The following PPP1R21 variants were observed in gnomAD, a reference collection of about 807,000 sequenced individuals.
PPP1R21 encodes protein phosphatase 1 regulatory subunit 21.
PPP1R21 carries 85 observed loss-of-function variants against 112.8 expected under a neutral mutation model. The observed-to-expected ratio is 0.75, with a 90% CI of 0.63 to 0.90. The LOEUF (loss-of-function observed/expected upper bound fraction) is 0.90, where lower values mean the gene tolerates loss of function less well. Among genes scored for constraint, PPP1R21 ranks in the 40% least tolerant of loss-of-function variants. The pLI is 0.00. For synonymous variants in PPP1R21, 381 were observed against 322.3 expected, an observed-to-expected ratio of 1.18 and a Z score of -1.95; for missense variants, 1,199 against 901.5, an observed-to-expected ratio of 1.33 and a Z score of -4.23.
chr2:48,479,974 A>C lies in PPP1R21; in HGVS notation c.1276A>C (p.Asn426His), dbSNP rs778262562. ...GACAAACTACAGTTCTGTGTTAACAAATGTTGGTGCTGCTCTGCATGGATT... is the reference window on the plus strand; with the variant it reads ...GACAAACTACAGTTCTGTGTTAACACATGTTGGTGCTGCTCTGCATGGATT... Reference protein sequence around the residue: ...LRTNYSSVLTNVGAALHGFHD... With the variant: ...LRTNYSSVLTHVGAALHGFHD... Residue 426 changes from asparagine to histidine, a missense_variant, in exon 13 of 22, where the codon AAT becomes CAT. Transcript: ENST00000294952. 1.2e-6 allele frequency: 2 copies of C among 1,613,540 alleles called. No homozygotes were observed. The highest frequency in any genetic ancestry group is 1.7e-5 in the Admixed American group (1 of 60,032).
In PPP1R21 at chr2:48,502,485, G is replaced by C. The variant is rs564585296; in HGVS notation, c.1936-3079G>C. ...CCCCATGCCCTTTAAGTGACCTTAA[G>C]GGAACTAATTGTGTGGCTGTGTATG... is the stretch of plus-strand genomic sequence containing the variant. On this transcript the variant is annotated intron_variant, in intron 17 of 21. Transcript: ENST00000294952. Among the ~76,000 whole-genome samples, 14 of 152,108 alleles carry C rather than the reference G, an allele frequency of 9.2e-5. No individual in the cohort carries two copies. The East Asian group carries it at 2.7e-3, about 29-fold the overall frequency.
chr2:48,469,275 G>T (rs1668351879), intron 9 of PPP1R21, among the ~76,000 whole-genome samples: 1 of 38,266 alleles, frequency 2.6e-5, no homozygotes, highest in African/African-American at 9.4e-5. Context: ...GTGTGTGTGT[G>T]TGTGTGTGTG....
intron 17 of PPP1R21, among the ~76,000 whole-genome samples, chr2:48,500,966 A>G (rs1670085254): frequency 6.6e-6 from 1 of 152,070 alleles, no homozygotes; most frequent in African/African-American, 2.4e-5. Context: ...TTGACCATGA[A>G]TGTTCATGAC....
chr2:48,493,597 CATAA>C (rs57935733), intron 15 of PPP1R21, among the ~76,000 whole-genome samples: 115,519 of 151,240 alleles, frequency 0.76, 44,391 homozygotes, highest in African/African-American at 0.85. Flanking sequence ...GAAAAAAATA[CATAA>C]ATAAATAAAT....
Position 48,440,902 on chromosome 2 carries a change from G to C in PPP1R21, c.-52G>C. ...GGAGCGTGTCTGGGTTTGGGGGCGGGAGACAGGCTGAGCCGCCTGGGCGGC... is the reference window on the plus strand; with the variant it reads ...GGAGCGTGTCTGGGTTTGGGGGCGGCAGACAGGCTGAGCCGCCTGGGCGGC... On this transcript the variant is annotated 5_prime_UTR_variant, in exon 1 of 22. Transcript: ENST00000294952. 2 of 1,262,568 alleles carry C rather than the reference G, an allele frequency of 1.6e-6. No individual in the cohort carries two copies. Among genetic ancestry groups the C allele is most frequent in the Non-Finnish European group, 2.2e-6 (2 of 893,616 alleles). The allele number at this position is 1,262,568 out of a possible 1,614,324, so 78.2% of individuals were successfully genotyped here. A position where few individuals can be genotyped will look rare whatever the true frequency, so the allele number is the denominator to read the frequency against.
rs750833232 is a variant in PPP1R21, at chr2:48,480,021, G to A, written c.1318+5G>A. On this transcript the variant is annotated splice_donor_5th_base_variant and intron_variant, in intron 13 of 21. Transcript: ENST00000294952. ...GATTTCATGACGTTATGAAAGGTAG[G>A]CCTTGAAAAAGAACGTAAGCTTAAA... The A allele has an allele frequency of 6.3e-7, 1 of 1,594,264 alleles. No individual in the cohort carries two copies. Among genetic ancestry groups the A allele is most frequent in the Non-Finnish European group, 8.6e-7 (1 of 1,161,990 alleles).
chr2:48,484,056 A>G (rs1669160051), intron 13 of PPP1R21, among the ~76,000 whole-genome samples: 1 of 152,180 alleles, frequency 6.6e-6, no homozygotes, highest in Non-Finnish European at 1.5e-5. Flanking sequence ...CTTTGACGCC[A>G]TAACAAAAAT....
At chr2:48,450,674 T>C (rs1371150348) in intron 1 of PPP1R21, among the ~76,000 whole-genome samples, 1 of 152,230 alleles carries the variant, frequency 6.6e-6, no homozygotes, top group Non-Finnish European at 1.5e-5. Context: ...TACCATATTA[T>C]TTATTGTATT....
chr2:48,451,044 G>C lies in PPP1R21; in HGVS notation c.94G>C (p.Val32Leu). ...AQNQVLKKGV[V>L]DEQANSAALK... The stretch of plus-strand genomic sequence containing the variant: ...GAATCAGGTTCTGAAAAAAGGTGTT[G>C]TGGATGAACAAGCAAATTCTGCAGC... Residue 32 changes from valine to leucine, a missense_variant, in exon 2 of 22, where the codon GTG becomes CTG. By Grantham distance (32) the Val-to-Leu change is conservative. Coordinates refer to ENST00000294952, the MANE Select transcript of PPP1R21 (RefSeq NM_001135629.3). The C allele has an allele frequency of 2.5e-6, 4 of 1,613,848 alleles. No individual in the cohort carries two copies. Among genetic ancestry groups the C allele is most frequent in the Non-Finnish European group, 3.4e-6 (4 of 1,179,786 alleles).
In PPP1R21 at chr2:48,479,117, G is replaced by A. The variant is rs112072073; in HGVS notation, c.1226-807G>A. ...GCCCCACTTTTCTTGGCAGCACCACGCCCAAGGTAGAGCCTCCATCTTAGG... is the reference window on the plus strand; with the variant it reads ...GCCCCACTTTTCTTGGCAGCACCACACCCAAGGTAGAGCCTCCATCTTAGG... On this transcript the variant is annotated intron_variant, in intron 12 of 21. Coordinates refer to ENST00000294952, the MANE Select transcript of PPP1R21 (RefSeq NM_001135629.3). Among the ~76,000 whole-genome samples the A allele has an allele frequency of 9.6e-3, 1,467 of 152,230 alleles. 9 individuals are homozygous for A. Among genetic ancestry groups the A allele is most frequent in the African/African-American group, 0.014 (565 of 41,538 alleles).
At chr2:48,492,970 A>T (rs1190666527) in intron 15 of PPP1R21, among the ~76,000 whole-genome samples, 2 of 147,338 alleles carry the variant, frequency 1.4e-5, no homozygotes, top group African/African-American at 5.0e-5. Flanking sequence ...CATAGTTATC[A>T]CTTGTGTTTA....
chr2:48,470,630 T>C (rs1467899017), intron 9 of PPP1R21, among the ~76,000 whole-genome samples: 1 of 152,172 alleles, frequency 6.6e-6, no homozygotes, highest in Non-Finnish European at 1.5e-5. Flanking sequence ...AATAGGCTTG[T>C]TTTTTAAAAA....
intron 13 of PPP1R21, among the ~76,000 whole-genome samples, chr2:48,486,280 C>G (rs1226267058): frequency 5.9e-5 from 9 of 152,098 alleles, no homozygotes; most frequent in Admixed American, 5.9e-4. Flanking sequence ...AATTTCTCCT[C>G]AATGCCTGTT....
At chr2:48,482,048 A>G (rs1342480334) in intron 13 of PPP1R21, among the ~76,000 whole-genome samples, 2 of 152,246 alleles carry the variant, frequency 1.3e-5, no homozygotes, top group Non-Finnish European at 2.9e-5. Flanking sequence ...GAATATTCCA[A>G]AATCTGAAGA....
chr2:48,501,333 CCTT>C (rs1245047721), intron 17 of PPP1R21, among the ~76,000 whole-genome samples: 1 of 152,222 alleles, frequency 6.6e-6, no homozygotes. Flanking sequence ...TCCATTCCTT[CCTT>C]CTTCTTAGAG....
intron 12 of PPP1R21, among the ~76,000 whole-genome samples, chr2:48,477,068 T>C (rs1266752699): frequency 1.3e-5 from 2 of 151,936 alleles, no homozygotes; most frequent in Non-Finnish European, 2.9e-5. Flanking sequence ...AAGCGTTTTA[T>C]AGTTTTAACT....
chr2:48,455,227 A>G (rs545664869), intron 3 of PPP1R21, among the ~76,000 whole-genome samples: 1 of 145,838 alleles, frequency 6.9e-6, no homozygotes, highest in African/African-American at 2.5e-5. Flanking sequence ...GCTCACCACA[A>G]CCTCTGCCTC....
At chr2:48,456,230 T>C (rs1667720418) in intron 3 of PPP1R21, among the ~76,000 whole-genome samples, 1 of 151,538 alleles carries the variant, frequency 6.6e-6, no homozygotes, top group South Asian at 2.1e-4. Flanking sequence ...CTTTTGAACA[T>C]TGTGATTAAG....
chr2:48,492,900 C>A (rs571002966), intron 15 of PPP1R21, among the ~76,000 whole-genome samples: 1 of 150,280 alleles, frequency 6.7e-6, no homozygotes, highest in Non-Finnish European at 1.5e-5. Context: ...GGAGAGGTTT[C>A]TTGCTGTTGT....
Sources: gnomAD v4.1 joint callset for allele counts (sites outside exome capture counted in the v4.1 genomes callset) on GRCh38, gnomAD v4.1.1 for gene constraint, MANE v1.5 for transcripts, NCBI Gene and HGNC (gene_info 2026-07-23, HGNC 2026-07-21) for gene names.